Variants in CUL2 observed in about 807,000 individuals in gnomAD.
The protein encoded by CUL2 is cullin 2, also known as cullin-2.
Under a neutral mutation model 110.2 loss-of-function variants are expected in CUL2, and 22 were observed. That is an observed-to-expected ratio of 0.20 (90% CI 0.14 to 0.28). The LOEUF is 0.28. Ranked by LOEUF, CUL2 falls within the 10% of genes least tolerant of loss-of-function variation. The pLI is 1.00. For missense variants in CUL2, 631 were observed against 905.5 expected (o/e 0.70, Z 3.89); for synonymous variants, 279 against 293.2 (o/e 0.95, Z 0.49).
intron 1 of CUL2, chr10:35,074,165 C>T (rs2086755930): frequency 6.5e-7 from 1 of 1,533,556 alleles, no homozygotes; most frequent in Admixed American, 2.0e-5. Context: ...AGATCTTGCC[C>T]TTATCAAAGA....
At chr10:35,046,643 G>A (rs565327969) in intron 6 of CUL2, among the ~76,000 whole-genome samples, 56 of 152,306 alleles carry the variant, frequency 3.7e-4, no homozygotes, top group African/African-American at 1.3e-3. Flanking sequence ...GGTAATCCCA[G>A]CACTTTAGGA....
chr10:35,021,123 G>C (rs138479453), intron 17 of CUL2, among the ~76,000 whole-genome samples: 1 of 151,952 alleles, frequency 6.6e-6, no homozygotes, highest in Non-Finnish European at 1.5e-5. Context: ...AGGGGTTAGA[G>C]CTTCAACAGA....
At chr10:35,028,404 C>G (rs910835994) in intron 16 of CUL2, among the ~76,000 whole-genome samples, 1 of 152,160 alleles carries the variant, frequency 6.6e-6, no homozygotes, top group African/African-American at 2.4e-5. Context: ...CATATATTTA[C>G]CTACATTACA....
chr10:35,025,076 T>C (rs575413003), intron 17 of CUL2, 56 bp downstream of exon 17: 187 of 1,430,594 alleles, frequency 1.3e-4, no homozygotes, highest in Admixed American at 8.7e-4. Context: ...TCTTTCTAAA[T>C]TAATATAATC....
At chr10:35,092,952 A>G (rs1468796242), upstream of CUL2, among the ~76,000 whole-genome samples, 5 of 152,068 alleles carry the variant, frequency 3.3e-5, no homozygotes, top group African/African-American at 1.2e-4. Flanking sequence ...AAGATTTGTG[A>G]CTTCCCCAGT....
intron 1 of CUL2, among the ~76,000 whole-genome samples, chr10:35,086,255 G>A (rs918061209): frequency 6.6e-6 from 1 of 151,958 alleles, no homozygotes; most frequent in Non-Finnish European, 1.5e-5. Flanking sequence ...CTAACACTTA[G>A]GGAGGCTGAG....
intron 2 of CUL2, among the ~76,000 whole-genome samples, chr10:35,067,017 C>T (rs1162449821): frequency 6.6e-6 from 1 of 151,718 alleles, no homozygotes; most frequent in East Asian, 1.9e-4. Flanking sequence ...GGTGTGGTAG[C>T]GCATGCCTGT....
rs749808020 is a variant in CUL2 at position 35,031,232 on chromosome 10, G to T, written c.1386+68C>A. On this transcript the variant is annotated intron_variant, in intron 14 of 20. Coordinates refer to ENST00000374749, the MANE Select transcript of CUL2 (RefSeq NM_003591.4). This position sits in a 1 kb window ranked among gnomAD's most constrained non-coding sequence, Gnocchi z 4.4. ...GTTTCCTGTTACTGTACACAATGCT[G>T]CAATGAACATCTTTATGTGCTTGTG... is the stretch of plus-strand genomic sequence containing the variant. The T allele has an allele frequency of 2.1e-4, 208 of 971,086 alleles. 1 individual carries two copies. The highest frequency in any genetic ancestry group is 2.9e-4 in the Non-Finnish European group (187 of 637,700). 60.2% of individuals were successfully genotyped at this position (971,086 alleles called of 1,614,324 possible).
chr10:35,099,747 A>T (rs1332009616), intron 2 of CUL2: 2 of 152,298 alleles, frequency 1.3e-5, no homozygotes, highest in Non-Finnish European at 2.9e-5. Flanking sequence ...ACTCCACCCA[A>T]AATAAAATAA....
In CUL2 at chr10:35,090,233, A is replaced by C. The variant is rs2087173679; in HGVS notation, c.-77T>G. ...GACAAGGGGAGGGGGAGGCAGCCCGAAGGAGTGAAAGACGAAGCCCCGGCG... is the reference window on the plus strand; with the variant it reads ...GACAAGGGGAGGGGGAGGCAGCCCGCAGGAGTGAAAGACGAAGCCCCGGCG... On this transcript the variant is annotated 5_prime_UTR_variant, in exon 1 of 21. Coordinates refer to ENST00000374749, the MANE Select transcript of CUL2 (RefSeq NM_003591.4). 1 of 156,030 alleles carries C rather than the reference A, an allele frequency of 6.4e-6. No individual in the cohort carries two copies. The highest frequency in any genetic ancestry group is 1.4e-5 in the Non-Finnish European group (1 of 70,598). The allele number at this position is 156,030 out of a possible 1,614,324, so 9.7% of individuals were successfully genotyped here.
At chr10:35,058,211 C>T (rs1387824804) in intron 4 of CUL2, among the ~76,000 whole-genome samples, 1 of 152,276 alleles carries the variant, frequency 6.6e-6, no homozygotes, top group Non-Finnish European at 1.5e-5. Flanking sequence ...GAAATAAAAT[C>T]TCAGGATTCC....
In CUL2 at chr10:35,033,275, TA is replaced by T; in HGVS notation, c.1003-3del. 1 of 1,604,516 alleles carries T rather than the reference TA, an allele frequency of 6.2e-7. No individual in the cohort carries two copies. The highest frequency in any genetic ancestry group is 8.5e-7 in the Non-Finnish European group (1 of 1,171,600). ...TGACTCCACAAATAGTGTTGGCATC[TA>T]AAAATGAAATATAAGTACAAAACCA... On this transcript the variant is annotated splice_region_variant and splice_polypyrimidine_tract_variant and intron_variant, in intron 10 of 20. Coordinates refer to ENST00000374749, the MANE Select transcript of CUL2 (RefSeq NM_003591.4).
intron 2 of CUL2, chr10:35,098,100 T>C (rs1483896202): frequency 1.3e-5 from 2 of 152,200 alleles, no homozygotes; most frequent in Non-Finnish European, 2.9e-5. Flanking sequence ...TCTTTGCCTC[T>C]CCTAGACAAT....
rs1017728475 is a variant in CUL2, at chr10:35,052,894, C to CA, written c.423+1539dup. Among the ~76,000 whole-genome samples, 285 of 68,502 alleles carry CA rather than the reference C, an allele frequency of 4.2e-3. 2 individuals are homozygous for CA. The highest frequency in any genetic ancestry group is 0.019 in the East Asian group (44 of 2,264). 44.9% of individuals were successfully genotyped at this position (68,502 alleles called of 152,430 possible). ...TGGGTGACACAGCGAGACTCCGTCT[C>CA]AAAAAAAAAAAAGAAAAAAAAAAAT... is the stretch of plus-strand genomic sequence containing the variant. On this transcript the variant is annotated intron_variant, in intron 5 of 20. Transcript: ENST00000374749.
At chr10:35,041,942 AC>A (rs2085802826) in intron 8 of CUL2, among the ~76,000 whole-genome samples, 1 of 152,268 alleles carries the variant, frequency 6.6e-6, no homozygotes, top group East Asian at 1.9e-4. Flanking sequence ...TAAATAATTC[AC>A]CCATTTAAAG....
rs59518617 is a variant in CUL2 at position 35,113,498 on chromosome 10, C to CAAAAA, written c.-50-12443_-50-12439dup. 4.3e-3 allele frequency among the ~76,000 whole-genome samples: 144 copies of CAAAAA among 33,310 alleles called. 13 individuals are homozygous for CAAAAA. The highest frequency in any genetic ancestry group is 9.0e-3 in the Admixed American group (13 of 1,444). 21.9% of individuals were successfully genotyped at this position (33,310 alleles called of 152,430 possible). ...GGGTGACAAGAGCAAGACTCTGCCT[C>CAAAAA]AAAAAAAAAAAAAAAAAAAAAAAAA... On this transcript the variant is annotated intron_variant, in intron 1 of 5. Transcript: ENST00000685421.
intron 9 of CUL2, among the ~76,000 whole-genome samples, chr10:35,038,525 CAAAAAA>C (rs61022194): frequency 6.1e-5 from 4 of 65,486 alleles, no homozygotes; most frequent in East Asian, 5.1e-4. Flanking sequence ...GACTCTGTCT[CAAAAAA>C]AAAAAAAAAA....
chr10:35,017,718 C>G (rs966950991), intron 17 of CUL2, among the ~76,000 whole-genome samples: 1 of 150,882 alleles, frequency 6.6e-6, no homozygotes, highest in Non-Finnish European at 1.5e-5. Context: ...ATTCTATATG[C>G]TAAATGACCC....
At chr10:35,120,466 A>G (rs553439498) in intron 1 of CUL2, 9 of 152,330 alleles carry the variant, frequency 5.9e-5, no homozygotes, top group African/African-American at 2.2e-4. Context: ...GTTACATTTT[A>G]TTTGAAGAAA....
Sources: allele counts gnomAD v4.1 joint callset (sites outside exome capture counted in the v4.1 genomes callset), GRCh38; gene constraint gnomAD v4.1.1; non-coding constraint Gnocchi (gnomAD v3.1); transcripts MANE v1.5; gene names NCBI Gene and HGNC (gene_info 2026-07-23, HGNC 2026-07-21).